Variants in RABGAP1L observed in about 807,000 individuals in gnomAD.
RABGAP1L encodes RAB GTPase activating protein 1 like, also known as rab GTPase-activating protein 1-like.
RABGAP1L carries 63 observed loss-of-function variants against 137.7 expected under a neutral mutation model. The ratio of observed to expected loss-of-function variants is 0.46; its 90% CI spans 0.37 to 0.56. The LOEUF is 0.56. Among genes scored for constraint, RABGAP1L ranks in the 20% least tolerant of loss-of-function variants. The pLI, the probability that RABGAP1L is intolerant of heterozygous loss-of-function variation, is 0.00. For synonymous variants in RABGAP1L, 431 were observed against 433.7 expected (o/e 0.99, Z 0.08); for missense variants, 1,095 against 1,244.0 (o/e 0.88, Z 1.80).
chr1:174,566,033 T>C (rs770060019), intron 13 of RABGAP1L, among the ~76,000 whole-genome samples: 16 of 152,000 alleles, frequency 1.1e-4, no homozygotes, highest in Non-Finnish European at 2.1e-4. Flanking sequence ...CACAGGCACA[T>C]ACATGCCACC....
chr1:174,374,591 C>T (rs1685367613), intron 12 of RABGAP1L, among the ~76,000 whole-genome samples: 1 of 152,110 alleles, frequency 6.6e-6, no homozygotes, highest in Admixed American at 6.6e-5. Flanking sequence ...CCGTAATTTA[C>T]TCCCAAAGGC....
At chr1:174,181,102 C>G (rs1332052581) in intron 1 of RABGAP1L, among the ~76,000 whole-genome samples, 1 of 152,130 alleles carries the variant, frequency 6.6e-6, no homozygotes, top group Non-Finnish European at 1.5e-5. Context: ...TTTGCTACAA[C>G]TAACACCAGA....
intron 18 of RABGAP1L, among the ~76,000 whole-genome samples, chr1:174,767,372 T>C (rs1336518855): frequency 1.3e-5 from 2 of 152,264 alleles, no homozygotes; most frequent in Non-Finnish European, 2.9e-5. Context: ...TTTTTGATGA[T>C]ACTTTGTGGT....
chr1:174,700,480 G>C (rs1244548696), intron 16 of RABGAP1L: 1 of 152,424 alleles, frequency 6.6e-6, no homozygotes, highest in African/African-American at 2.4e-5. Context: ...ATGCTAGTAG[G>C]AGCTCATTGA....
chr1:174,877,457 G>C, intron 19 of RABGAP1L: 2 of 1,612,970 alleles, frequency 1.2e-6, no homozygotes, highest in Non-Finnish European at 1.7e-6. Flanking sequence ...TCTGGAGCTG[G>C]GACAGCAGCT....
intron 13 of RABGAP1L, among the ~76,000 whole-genome samples, chr1:174,426,675 T>C (rs1652000099): frequency 6.6e-6 from 1 of 152,114 alleles, no homozygotes; most frequent in Non-Finnish European, 1.5e-5. Flanking sequence ...CTAGAGTAAA[T>C]GTTGACTGTA....
At chr1:174,703,235 A>G (rs749115855) in intron 17 of RABGAP1L, among the ~76,000 whole-genome samples, 1 of 152,088 alleles carries the variant, frequency 6.6e-6, no homozygotes, top group Non-Finnish European at 1.5e-5. Flanking sequence ...TGCACATTGT[A>G]CCTGTTGAAT....
At chr1:174,181,080 A>G (rs768928698) in intron 1 of RABGAP1L, among the ~76,000 whole-genome samples, 48 of 152,166 alleles carry the variant, frequency 3.2e-4, no homozygotes, top group Admixed American at 5.9e-4. Context: ...ACTCTTTTCT[A>G]TTAGGTTCTT....
At chr1:174,526,685 C>G (rs544395786) in intron 13 of RABGAP1L, among the ~76,000 whole-genome samples, 139 of 151,996 alleles carry the variant, frequency 9.1e-4, no homozygotes, top group Non-Finnish European at 1.6e-3. Context: ...ATAAAGTCTC[C>G]TTTTTCATTT....
intron 13 of RABGAP1L, among the ~76,000 whole-genome samples, chr1:174,554,659 A>G (rs1054045300): frequency 6.6e-6 from 1 of 152,144 alleles, no homozygotes; most frequent in African/African-American, 2.4e-5. Flanking sequence ...TAATATCTCA[A>G]TTTTAGGCAA....
At chr1:174,426,034 T>C (rs1295102022) in intron 13 of RABGAP1L, among the ~76,000 whole-genome samples, 1 of 152,052 alleles carries the variant, frequency 6.6e-6, no homozygotes, top group Non-Finnish European at 1.5e-5. Flanking sequence ...TGATACAGTT[T>C]TGCTATTTTA....
At chr1:174,757,859 A>T (rs1330602255) in intron 18 of RABGAP1L, among the ~76,000 whole-genome samples, 1 of 152,008 alleles carries the variant, frequency 6.6e-6, no homozygotes, top group African/African-American at 2.4e-5. Context: ...CCCCGTCTCT[A>T]CTAAAAATAC....
Position 174,869,793 on chromosome 1 carries a change from T to TA in RABGAP1L, c.2340+57841dup, listed in dbSNP as rs201729298. ...CTCTTGAATGAGATTAGTGCCCTTATAAAAAAAACTCCAAGGAGACCCCTT... is the reference window on the plus strand; with the variant it reads ...CTCTTGAATGAGATTAGTGCCCTTATAAAAAAAAACTCCAAGGAGACCCCTT... On this transcript the variant is annotated intron_variant, in intron 19 of 25. Transcript: ENST00000681986. Among the ~76,000 whole-genome samples, 1,028 of 151,850 alleles carry TA rather than the reference T, an allele frequency of 6.8e-3. 17 individuals carry two copies. Among genetic ancestry groups the TA allele is most frequent in the African/African-American group, 0.024 (992 of 41,438 alleles).
chr1:174,807,265 G>A (rs1689399558), intron 18 of RABGAP1L, among the ~76,000 whole-genome samples: 1 of 151,446 alleles, frequency 6.6e-6, no homozygotes. Context: ...TTTTATTTTG[G>A]GCCATGAATA....
At chr1:174,631,870 A>G (rs1469895202) in intron 13 of RABGAP1L, among the ~76,000 whole-genome samples, 1 of 149,094 alleles carries the variant, frequency 6.7e-6, no homozygotes, top group Non-Finnish European at 1.5e-5. Flanking sequence ...GTGTCTTTTA[A>G]TTGGAGAATT....
intron 17 of RABGAP1L, among the ~76,000 whole-genome samples, chr1:174,733,827 G>T (rs1682712389): frequency 6.6e-6 from 1 of 152,212 alleles, no homozygotes; most frequent in Non-Finnish European, 1.5e-5. Flanking sequence ...TCACTCTGGA[G>T]AATAGGCTGT....
chr1:174,915,714 CAA>C (rs1206710986), intron 19 of RABGAP1L, among the ~76,000 whole-genome samples: 1 of 152,232 alleles, frequency 6.6e-6, no homozygotes, highest in Non-Finnish European at 1.5e-5. Context: ...CTCGGCCTCC[CAA>C]AGTGCTGGGA....
In RABGAP1L at chr1:174,823,640, G is replaced by A. The variant is rs1290720166; in HGVS notation, c.2340+11680G>A. On this transcript the variant is annotated intron_variant, in intron 19 of 25. Transcript: ENST00000681986. ...ACTTTGATAGAAGGAATAAGTTATA[G>A]TATTCAGTAGCACATCAGGGTGACT... Among the ~76,000 whole-genome samples, 3 of 152,180 alleles carry A rather than the reference G, an allele frequency of 2.0e-5. No individual in the cohort carries two copies. The East Asian group carries it at 5.8e-4, about 29-fold the overall frequency.
chr1:174,426,031 G>A (rs763985540), intron 13 of RABGAP1L, among the ~76,000 whole-genome samples: 1 of 152,010 alleles, frequency 6.6e-6, no homozygotes, highest in African/African-American at 2.4e-5. Context: ...GAGTGATACA[G>A]TTTTGCTATT....
Sources: allele counts gnomAD v4.1 joint callset (sites outside exome capture counted in the v4.1 genomes callset), GRCh38; gene constraint gnomAD v4.1.1; transcripts MANE v1.5; gene names NCBI Gene and HGNC (gene_info 2026-07-23, HGNC 2026-07-21).